COL22A1: variants seen among roughly 807,000 people sequenced by gnomAD.
COL22A1 encodes the protein collagen alpha-1(XXII) chain.
Under a neutral mutation model 248.9 loss-of-function variants are expected in COL22A1, and 221 were observed. That is an observed-to-expected ratio of 0.89 (90% CI 0.80 to 0.99). COL22A1 has a LOEUF of 0.99. Ranked by LOEUF, COL22A1 falls within the 50% of genes least tolerant of loss-of-function variation. COL22A1 has a pLI of 0.00. For synonymous variants in COL22A1, 891 were observed against 793.4 expected (o/e 1.12, Z -2.07); for missense variants, 2,240 against 2,179.0 (o/e 1.03, Z -0.56).
At chr8:138,691,913 T>A (rs1440769392) in intron 35 of COL22A1, among the ~76,000 whole-genome samples, 1 of 143,822 alleles carries the variant, frequency 7.0e-6, no homozygotes, top group Non-Finnish European at 1.5e-5. Context: ...TGCACGTGCA[T>A]GTGTGCATGT....
At chr8:138,835,567 G>A (rs1022213977) in intron 4 of COL22A1, among the ~76,000 whole-genome samples, 1 of 152,154 alleles carries the variant, frequency 6.6e-6, no homozygotes, top group Admixed American at 6.5e-5. Context: ...GGCCCAGCTT[G>A]CTGAGTTCGC....
chr8:138,607,835 C>T (rs748277487), intron 57 of COL22A1, 101 bp downstream of exon 57: 63 of 1,149,926 alleles, frequency 5.5e-5, no homozygotes, highest in Non-Finnish European at 7.5e-5. Flanking sequence ...ATGTCCCCAC[C>T]GATGCTTCTA....
chr8:138,732,468 C>A (rs112571235), intron 23 of COL22A1, among the ~76,000 whole-genome samples: 3 of 152,234 alleles, frequency 2.0e-5, no homozygotes, highest in African/African-American at 4.8e-5. Flanking sequence ...CTCAGAGCCT[C>A]ATTCCAGCTG....
rs1586945455 is a variant in COL22A1 at position 138,877,880 on chromosome 8, G to A, written c.528C>T (p.Gly176=). The change falls in exon 3 of 65, where the codon GGC becomes GGT. Residue 176 remains glycine (G), a synonymous_variant. Transcript: ENST00000303045. The stretch of plus-strand genomic sequence containing the variant: ...GCTCCTCCTTGAGTGCCTCGCCCAC[G>A]CCCACGGCAAAGATGCGGATGCCAG... ...HRAGIRIFAV[G]VGEALKEELE... 1.2e-6 allele frequency: 2 copies of A among 1,612,748 alleles called. No individual in the cohort carries two copies. The highest frequency in any genetic ancestry group is 1.7e-5 in the Admixed American group (1 of 59,966).
Position 138,817,341 on chromosome 8 carries a change from G to A in COL22A1, c.1245+3795C>T, listed in dbSNP as rs145862830. On this transcript the variant is annotated intron_variant, in intron 7 of 64. Coordinates refer to ENST00000303045, the MANE Select transcript of COL22A1 (RefSeq NM_152888.3). Reference sequence around the variant, plus strand: ...ACTCAGAGTTAGGATGTCAAGTGGTGAGGGAGCTGGGGTATTGATACTGCA... The same window carrying A: ...ACTCAGAGTTAGGATGTCAAGTGGTAAGGGAGCTGGGGTATTGATACTGCA... 5.0e-3 allele frequency among the ~76,000 whole-genome samples: 766 copies of A among 152,280 alleles called. 5 individuals carry two copies. The highest frequency in any genetic ancestry group is 7.5e-3 in the Non-Finnish European group (508 of 68,006).
chr8:138,893,794 A>G (rs1002253839), intron 1 of COL22A1, among the ~76,000 whole-genome samples: 1 of 152,242 alleles, frequency 6.6e-6, no homozygotes, highest in African/African-American at 2.4e-5. Context: ...ACTTTGTCCA[A>G]GGAGCTTGCA....
chr8:138,633,096 AC>A (rs1820862180), intron 49 of COL22A1, among the ~76,000 whole-genome samples: 1 of 152,200 alleles, frequency 6.6e-6, no homozygotes. Context: ...GCACTTGAAA[AC>A]AAGCAACAAC....
intron 62 of COL22A1, 27 bp downstream of exon 62, chr8:138,596,877 A>G: frequency 6.2e-7 from 1 of 1,607,928 alleles, no homozygotes; most frequent in Non-Finnish European, 8.5e-7. Flanking sequence ...CTTCTCTGCA[A>G]GACCGTAACA....
intron 1 of COL22A1, among the ~76,000 whole-genome samples, chr8:138,894,962 G>A (rs569928804): frequency 2.6e-4 from 39 of 151,834 alleles, no homozygotes; most frequent in Admixed American, 2.4e-3. Context: ...AGAAGGTGGA[G>A]GCAAAAGGAT....
chr8:138,661,711 C>A (rs1823977926), intron 43 of COL22A1, among the ~76,000 whole-genome samples: 1 of 151,850 alleles, frequency 6.6e-6, no homozygotes, highest in African/African-American at 2.4e-5. Flanking sequence ...GAAGGCAGTG[C>A]CTGATTCGAG....
intron 3 of COL22A1, among the ~76,000 whole-genome samples, chr8:138,849,656 T>C (rs1023840085): frequency 2.6e-5 from 4 of 152,228 alleles, no homozygotes; most frequent in Non-Finnish European, 5.9e-5. Context: ...TTTGCTACTT[T>C]CTACAGCAGC....
chr8:138,741,610 G>A (rs894720720), intron 22 of COL22A1, among the ~76,000 whole-genome samples: 1 of 152,246 alleles, frequency 6.6e-6, no homozygotes, highest in African/African-American at 2.4e-5. Context: ...TGATGAGAAT[G>A]AGGAGGAAGA....
chr8:138,867,981 T>C (rs1367609836), intron 3 of COL22A1, among the ~76,000 whole-genome samples: 1 of 152,154 alleles, frequency 6.6e-6, no homozygotes, highest in Non-Finnish European at 1.5e-5. Flanking sequence ...GTCAGGATGG[T>C]CTTGATCTCC....
chr8:138,596,388 C>T (rs1587628173), intron 62 of COL22A1, among the ~76,000 whole-genome samples: 1 of 152,298 alleles, frequency 6.6e-6, no homozygotes, highest in East Asian at 1.9e-4. Flanking sequence ...GCTCACATGG[C>T]CCCTCCTCCA....
At chr8:138,857,599 C>T (rs145899286) in intron 3 of COL22A1, among the ~76,000 whole-genome samples, 2 of 152,280 alleles carry the variant, frequency 1.3e-5, no homozygotes, top group East Asian at 1.9e-4. Context: ...CACCCCATCC[C>T]GAAAATCTTA....
At chr8:138,792,739 A>T (rs1283967742) in intron 12 of COL22A1, among the ~76,000 whole-genome samples, 1 of 152,114 alleles carries the variant, frequency 6.6e-6, no homozygotes, top group Admixed American at 6.5e-5. Context: ...ACATCAGCTA[A>T]TGAGAGTGTG....
intron 47 of COL22A1, among the ~76,000 whole-genome samples, chr8:138,638,032 A>T (rs553607339): frequency 6.6e-6 from 1 of 152,026 alleles, no homozygotes; most frequent in South Asian, 2.1e-4. Context: ...TGTCATCACC[A>T]TCATCCTCAT....
At chr8:138,720,627 A>C in intron 27 of COL22A1, 112 bp downstream of exon 27, 1 of 867,822 alleles carries the variant, frequency 1.2e-6, no homozygotes, top group Non-Finnish European at 1.9e-6. Context: ...GTCTCCTGCC[A>C]GGTCCCAGCT....
intron 52 of COL22A1, among the ~76,000 whole-genome samples, chr8:138,623,237 C>CATAT (rs5895541): frequency 4.5e-4 from 64 of 141,430 alleles, no homozygotes; most frequent in African/African-American, 1.7e-3. Flanking sequence ...TGTGTGTGTA[C>CATAT]ATATATATAT....
Sources: gnomAD v4.1 joint callset for allele counts (sites outside exome capture counted in the v4.1 genomes callset) on GRCh38, gnomAD v4.1.1 for gene constraint, MANE v1.5 for transcripts, NCBI Gene and HGNC (gene_info 2026-07-23, HGNC 2026-07-21) for gene names.